Variants in MYT1 observed in about 807,000 individuals in gnomAD.
MYT1 encodes myelin transcription factor I.
Under a neutral mutation model 123.0 loss-of-function variants are expected in MYT1, and 23 were observed. The ratio of observed to expected loss-of-function variants is 0.19; its 90% CI spans 0.13 to 0.26. MYT1 has a LOEUF of 0.26. MYT1 is among the 10% of genes least tolerant of loss of function. MYT1 has a pLI of 1.00. For synonymous variants in MYT1, 518 were observed against 575.3 expected (o/e 0.90, Z 1.43); for missense variants, 1,125 against 1,472.5 (o/e 0.76, Z 3.86).
At chr20:64,230,214 A>C (rs1160552293) in intron 18 of MYT1, among the ~76,000 whole-genome samples, 2 of 152,210 alleles carry the variant, frequency 1.3e-5, no homozygotes, top group Non-Finnish European at 2.9e-5. Flanking sequence ...AAAGGGAGTG[A>C]AAATAACTCA....
At chr20:64,195,401 CT>C (rs397753483) in intron 2 of MYT1, among the ~76,000 whole-genome samples, 5 of 104,012 alleles carry the variant, frequency 4.8e-5, no homozygotes, top group Admixed American at 1.2e-4. Context: ...TGTGTGTATA[CT>C]TTTTTTTTTT....
chr20:64,171,015 T>G (rs757300511), intron 1 of MYT1, among the ~76,000 whole-genome samples: 10 of 148,530 alleles, frequency 6.7e-5, no homozygotes, highest in Non-Finnish European at 1.2e-4. Context: ...TTCAAGCAAT[T>G]CCGTCTGCCT....
chr20:64,180,126 A>T (rs1248511764), intron 1 of MYT1, among the ~76,000 whole-genome samples: 1 of 151,236 alleles, frequency 6.6e-6, no homozygotes, highest in East Asian at 1.9e-4. Context: ...ACACACAGTT[A>T]TACATGCTAC....
chr20:64,196,383 G>A lies in MYT1; in HGVS notation c.1-2479G>A, dbSNP rs1262110972. 6.6e-6 allele frequency among the ~76,000 whole-genome samples: 1 copy of A among 152,226 alleles called. No homozygotes were observed. Among genetic ancestry groups the A allele is most frequent in the African/African-American group, 2.4e-5 (1 of 41,444 alleles). ...CATCGTGGTGCCGATCTTGCGGCAG[G>A]AGGAGAGCAGAGAACTCACCTCTGA... On this transcript the variant is annotated intron_variant, in intron 2 of 22. Transcript: ENST00000328439. The surrounding 1 kb of genome is among the most constrained non-coding windows in gnomAD (Gnocchi z 4.3).
At chr20:64,207,543 G>T (rs773558960) in intron 6 of MYT1, 51 bp from the exon 7 acceptor site, 69 of 1,574,532 alleles carry the variant, frequency 4.4e-5, no homozygotes, top group Non-Finnish European at 5.9e-5. Flanking sequence ...TGGAGACCTG[G>T]AGTCTTCCCA....
chr20:64,209,562 A>C (rs1235458049), intron 7 of MYT1, among the ~76,000 whole-genome samples: 1 of 152,184 alleles, frequency 6.6e-6, no homozygotes, highest in Non-Finnish European at 1.5e-5. Context: ...GCCCCCAGGA[A>C]GAGTTAGCTG....
At chr20:64,183,181 T>C (rs1231499542) in intron 1 of MYT1, among the ~76,000 whole-genome samples, 4 of 152,222 alleles carry the variant, frequency 2.6e-5, no homozygotes, top group Non-Finnish European at 5.9e-5. Context: ...GAACACGAAG[T>C]TTTTGAGATT....
chr20:64,232,111 C>A lies in MYT1; in HGVS notation c.2676-53C>A. 6.4e-7 allele frequency: 1 copy of A among 1,572,774 alleles called. No individual in the cohort carries two copies. ...TGTCTGGCTTGAGAGAGTCTCCAGG[C>A]TTCTCCTCCCAACCCTTCGCCCCTG... On this transcript the variant is annotated intron_variant, in intron 18 of 22. Transcript: ENST00000328439. The surrounding 1 kb of genome is among the most constrained non-coding windows in gnomAD (Gnocchi z 6.9).
rs115205391 is a variant in MYT1, at chr20:64,232,036, C to G, written c.2676-128C>G. 6.9e-4 allele frequency: 631 copies of G among 908,298 alleles called. 3 individuals carry two copies. The African/African-American group carries it at 9.5e-3, about 14-fold the overall frequency. 56.3% of individuals were successfully genotyped at this position (908,298 alleles called of 1,614,324 possible). A position where few individuals can be genotyped will look rare whatever the true frequency, so the allele number is the denominator to read the frequency against. ...GAGGCTCCAGGACCTCAGCGGCCCT[C>G]CCTGCCTCACTCAGAAGCCCTTTAA... On this transcript the variant is annotated intron_variant, in intron 18 of 22. Transcript: ENST00000328439. The surrounding 1 kb of genome is among the most constrained non-coding windows in gnomAD (Gnocchi z 6.9).
chr20:64,183,108 C>T (rs570207206), intron 1 of MYT1, among the ~76,000 whole-genome samples: 2 of 152,334 alleles, frequency 1.3e-5, no homozygotes, highest in African/African-American at 4.8e-5. Flanking sequence ...TTTGCCTGTT[C>T]TGGCCATTTC....
chr20:64,205,148 C>T (rs777500330), intron 5 of MYT1, 51 bp downstream of exon 5: 1 of 1,582,924 alleles, frequency 6.3e-7, no homozygotes, highest in African/African-American at 1.3e-5. Context: ...AGATTTGGAG[C>T]CCCTGCCCAC....
chr20:64,209,251 G>C (rs565446115), intron 7 of MYT1, among the ~76,000 whole-genome samples: 160 of 152,306 alleles, frequency 1.1e-3, no homozygotes, highest in African/African-American at 3.5e-3. Flanking sequence ...TGGACAACAG[G>C]CTGGCTCTGC....
At position 64,213,618 on chromosome 20, in the gene MYT1, G is replaced by A; in HGVS notation, c.1602G>A (p.Lys534=). ...KQQPQTGDPS[K]SSSNSDRILR... Reference sequence around the variant, plus strand: ...AGCCGCAGACAGGAGATCCTTCCAAGAGTAGCTCCAATTCCGATCGGATCC... The same window carrying A: ...AGCCGCAGACAGGAGATCCTTCCAAAAGTAGCTCCAATTCCGATCGGATCC... The change falls in exon 10 of 23, where the codon AAG becomes AAA. Residue 534 remains lysine, a synonymous_variant. Coordinates refer to ENST00000328439, the MANE Select transcript of MYT1 (RefSeq NM_004535.3). The surrounding 1 kb of genome is among the most constrained non-coding windows in gnomAD (Gnocchi z 5.6). 6.2e-7 allele frequency: 1 copy of A among 1,614,136 alleles called. No individual in the cohort carries two copies. Among genetic ancestry groups the A allele is most frequent in the Non-Finnish European group, 8.5e-7 (1 of 1,180,032 alleles).
rs1039091739 is a variant in MYT1, at chr20:64,212,338, C to T, written c.1517+200C>T. On this transcript the variant is annotated intron_variant, in intron 9 of 22. Coordinates refer to ENST00000328439, the MANE Select transcript of MYT1 (RefSeq NM_004535.3). The surrounding 1 kb of genome is among the most constrained non-coding windows in gnomAD (Gnocchi z 6.8). The stretch of plus-strand genomic sequence containing the variant: ...TGGGCCGTGAGCCCGTGACCTGGGA[C>T]GGGGCTCTGGCCTGCCTGGGGCTCC... Among the ~76,000 whole-genome samples the T allele has an allele frequency of 5.9e-5, 9 of 152,094 alleles. No individual in the cohort carries two copies. Among genetic ancestry groups the T allele is most frequent in the South Asian group, 2.1e-4 (1 of 4,828 alleles).
Position 64,236,628 on chromosome 20 carries a change from A to G in MYT1, c.2971A>G (p.Lys991Glu), listed in dbSNP as rs754315627. The change falls in exon 20 of 23, where the codon AAG (lysine) becomes GAG (glutamate). Residue 991 changes from lysine to glutamate, a missense_variant. Lys to Glu is a moderately conservative substitution (Grantham distance 56). Around this residue, in one of 4 missense-constraint regions of MYT1, gnomAD observed 243 missense variants for 323.1 expected, o/e 0.75. Coordinates refer to ENST00000328439, the MANE Select transcript of MYT1 (RefSeq NM_004535.3). ...KLSGDEVLSPKFKTSDVLEND... is the reference protein window; with the variant it reads ...KLSGDEVLSPEFKTSDVLEND... ...GTCAGGGGATGAGGTCCTCAGTCCA[A>G]AGTTCAAGACTAGCGACGGTAAGGA... is the stretch of plus-strand genomic sequence containing the variant. 11 of 1,613,720 alleles carry G rather than the reference A, an allele frequency of 6.8e-6. No homozygotes were observed. The highest frequency in any genetic ancestry group is 8.5e-6 in the Non-Finnish European group (10 of 1,179,814).
In MYT1 at chr20:64,186,108, C is replaced by T. The variant is rs989843833; in HGVS notation, c.-98-3955C>T. Among the ~76,000 whole-genome samples, 2 of 152,146 alleles carry T rather than the reference C, an allele frequency of 1.3e-5. No individual in the cohort carries two copies. The highest frequency in any genetic ancestry group is 4.8e-5 in the African/African-American group (2 of 41,418). On this transcript the variant is annotated intron_variant, in intron 1 of 22. Transcript: ENST00000328439. This position sits in a 1 kb window ranked among gnomAD's most constrained non-coding sequence, Gnocchi z 4.3. The stretch of plus-strand genomic sequence containing the variant: ...CCCTCTCCTCTGGACCTTTGTGCAT[C>T]AATCTCAGCTGAGGAGGCCCTGTTT...
chr20:64,239,988 C>G (rs1984668138), intron 22 of MYT1, 85 bp downstream of exon 22: 4 of 1,552,930 alleles, frequency 2.6e-6, no homozygotes, highest in Middle Eastern at 1.9e-4. Flanking sequence ...CTCCCACCCC[C>G]TCTGCCTCTG....
At chr20:64,235,577 G>A (rs530087905) in intron 19 of MYT1, among the ~76,000 whole-genome samples, 1 of 147,304 alleles carries the variant, frequency 6.8e-6, no homozygotes, top group Non-Finnish European at 1.5e-5. Context: ...GTCATGGTGT[G>A]TGACCCGGGG....
intron 1 of MYT1, among the ~76,000 whole-genome samples, chr20:64,187,569 T>C (rs1238339066): frequency 6.6e-6 from 1 of 152,270 alleles, no homozygotes; most frequent in African/African-American, 2.4e-5. Flanking sequence ...GGGGACTTAA[T>C]GTGCTGCTAG....
Sources: gnomAD v4.1 joint callset for allele counts (sites outside exome capture counted in the v4.1 genomes callset) on GRCh38, gnomAD v4.1.1 for gene constraint, gnomAD v4.1.1 regional missense constraint, Gnocchi (gnomAD v3.1) non-coding constraint, MANE v1.5 for transcripts, NCBI Gene and HGNC (gene_info 2026-07-23, HGNC 2026-07-21) for gene names.